Variants in CNTN4 observed in about 807,000 individuals in gnomAD.
The protein encoded by CNTN4 is contactin 4, also known as contactin-4.
CNTN4 carries 77 observed loss-of-function variants against 122.5 expected under a neutral mutation model. That is an observed-to-expected ratio of 0.63 (90% confidence interval 0.52 to 0.76). The LOEUF (loss-of-function observed/expected upper bound fraction) is 0.76, where lower values mean the gene tolerates loss of function less well. CNTN4 is among the 30% of genes least tolerant of loss of function. The pLI is 0.00. For missense variants in CNTN4, 1,256 were observed against 1,259.1 expected (o/e 1.00, Z 0.04); for synonymous variants, 512 against 447.0 (o/e 1.15, Z -1.83).
Position 2,576,025 on chromosome 3 carries a change from C to T in CNTN4, c.55+4467C>T, listed in dbSNP as rs547233595. On this transcript the variant is annotated intron_variant, in intron 4 of 24. Transcript: ENST00000418658. ...AATTTTTTTGTATTTTTAGTAGAGA[C>T]GGGGTTTCACCATGTTAGCCAGGAT... Among the ~76,000 whole-genome samples, 87 of 151,840 alleles carry T rather than the reference C, an allele frequency of 5.7e-4. 1 individual carries two copies. Among genetic ancestry groups the T allele is most frequent in the South Asian group, 4.0e-3 (19 of 4,786 alleles).
chr3:2,591,593 T>A (rs1386879727), intron 4 of CNTN4, among the ~76,000 whole-genome samples: 1 of 52,154 alleles, frequency 1.9e-5, no homozygotes. Context: ...CTCGATCTCC[T>A]GACCTCGTGA....
intron 13 of CNTN4, among the ~76,000 whole-genome samples, chr3:2,947,647 T>C (rs562717985): frequency 1.3e-4 from 20 of 152,354 alleles, no homozygotes; most frequent in Non-Finnish European, 2.6e-4. Flanking sequence ...TTGTCTTCAT[T>C]TGCTCTGTCA....
chr3:2,698,674 T>C (rs1377329573), intron 4 of CNTN4, among the ~76,000 whole-genome samples: 1 of 152,208 alleles, frequency 6.6e-6, no homozygotes, highest in Non-Finnish European at 1.5e-5. Flanking sequence ...ATCTATTTCA[T>C]CATGCTATTT....
At chr3:2,917,065 C>T (rs1305625215) in intron 12 of CNTN4, among the ~76,000 whole-genome samples, 10 of 126,886 alleles carry the variant, frequency 7.9e-5, no homozygotes, top group South Asian at 5.4e-4. Context: ...CTCGGGAGGC[C>T]GAGGCTGGCG....
At chr3:2,748,345 G>A (rs2089908091) in intron 6 of CNTN4, among the ~76,000 whole-genome samples, 1 of 151,996 alleles carries the variant, frequency 6.6e-6, no homozygotes, top group Non-Finnish European at 1.5e-5. Context: ...TCAGAATATT[G>A]TATTTACCCC....
At chr3:2,552,865 A>T (rs78746066) in intron 3 of CNTN4, among the ~76,000 whole-genome samples, 2,878 of 152,270 alleles carry the variant, frequency 0.019, 38 homozygotes, top group Non-Finnish European at 0.031. Flanking sequence ...TTGACTGCAG[A>T]TGGTCTATGA....
chr3:2,260,089 A>C (rs2040764911), intron 2 of CNTN4, among the ~76,000 whole-genome samples: 1 of 152,206 alleles, frequency 6.6e-6, no homozygotes, highest in East Asian at 1.9e-4. Flanking sequence ...TGTATAATTT[A>C]GAGAGCACGT....
intron 7 of CNTN4, among the ~76,000 whole-genome samples, chr3:2,864,542 C>T (rs997293812): frequency 4.6e-5 from 7 of 151,770 alleles, no homozygotes; most frequent in Non-Finnish European, 8.8e-5. Context: ...AGTTCGAGAC[C>T]AGCCTGGCCA....
intron 2 of CNTN4, among the ~76,000 whole-genome samples, chr3:2,263,243 G>A (rs548892576): frequency 6.6e-6 from 1 of 152,144 alleles, no homozygotes; most frequent in Admixed American, 6.5e-5. Context: ...CTACATGTGG[G>A]CAAGGACTGT....
At chr3:2,506,138 C>A (rs558496110) in intron 3 of CNTN4, among the ~76,000 whole-genome samples, 1 of 152,044 alleles carries the variant, frequency 6.6e-6, no homozygotes, top group South Asian at 2.1e-4. Flanking sequence ...CCATCTGCAC[C>A]GGATCTAAGG....
intron 4 of CNTN4, among the ~76,000 whole-genome samples, chr3:2,662,918 C>A (rs902497001): frequency 2.0e-5 from 3 of 151,940 alleles, no homozygotes; most frequent in Non-Finnish European, 4.4e-5. Flanking sequence ...CATGGTGAAG[C>A]CCCATCTTCA....
chr3:2,481,428 A>G (rs1404669623), intron 3 of CNTN4, among the ~76,000 whole-genome samples: 1 of 152,160 alleles, frequency 6.6e-6, no homozygotes, highest in South Asian at 2.1e-4. Flanking sequence ...GGTGTGAGCC[A>G]CTGTGCCCAG....
At chr3:2,382,258 C>G (rs1314163685) in intron 3 of CNTN4, among the ~76,000 whole-genome samples, 1 of 151,714 alleles carries the variant, frequency 6.6e-6, no homozygotes, top group East Asian at 1.9e-4. Context: ...CAACCTCTGC[C>G]CCCCGGGTTC....
chr3:2,784,354 C>G (rs1195177569), intron 6 of CNTN4, among the ~76,000 whole-genome samples: 1 of 152,148 alleles, frequency 6.6e-6, no homozygotes, highest in African/African-American at 2.4e-5. Context: ...GGCTGATTTT[C>G]TCAACTTTGT....
intron 3 of CNTN4, among the ~76,000 whole-genome samples, chr3:2,371,317 C>T (rs2045624550): frequency 6.6e-6 from 1 of 152,152 alleles, no homozygotes; most frequent in African/African-American, 2.4e-5. Flanking sequence ...ATTCAAGGTA[C>T]TTACTGCCTT....
chr3:2,830,830 T>C (rs2093088062), intron 7 of CNTN4, among the ~76,000 whole-genome samples: 1 of 152,168 alleles, frequency 6.6e-6, no homozygotes. Context: ...AGGTATTCTC[T>C]CAGGTCAGTG....
At chr3:2,653,468 G>C (rs1299769823) in intron 4 of CNTN4, among the ~76,000 whole-genome samples, 3 of 152,116 alleles carry the variant, frequency 2.0e-5, no homozygotes, top group Non-Finnish European at 2.9e-5. Flanking sequence ...CTGACATTCA[G>C]AAAGGAGAAA....
chr3:2,273,501 G>A (rs1022651933), intron 2 of CNTN4, among the ~76,000 whole-genome samples: 1 of 152,138 alleles, frequency 6.6e-6, no homozygotes, highest in Non-Finnish European at 1.5e-5. Flanking sequence ...GGTCTTATTC[G>A]TAGCAACTTC....
intron 3 of CNTN4, among the ~76,000 whole-genome samples, chr3:2,461,953 G>C (rs935397562): frequency 1.1e-4 from 17 of 152,104 alleles, no homozygotes; most frequent in African/African-American, 3.9e-4. Context: ...AAGAGAAGAA[G>C]CTTTCTTCTC....
Sources: gnomAD v4.1 joint callset for allele counts (sites outside exome capture counted in the v4.1 genomes callset) on GRCh38, gnomAD v4.1.1 for gene constraint, MANE v1.5 for transcripts, NCBI Gene and HGNC (gene_info 2026-07-23, HGNC 2026-07-21) for gene names.